The following ECH1 variants were observed in gnomAD, a reference collection of about 807,000 sequenced individuals.
The protein encoded by ECH1 is enoyl-CoA hydratase 1, also known as delta(3,5)-Delta(2,4)-dienoyl-CoA isomerase, mitochondrial.
In ECH1, 30 loss-of-function variants were observed where a neutral mutation model predicts 37.0. That is an observed-to-expected ratio of 0.81 (90% CI 0.61 to 1.10). The LOEUF (loss-of-function observed/expected upper bound fraction) is 1.10, where lower values mean the gene tolerates loss of function less well. Ranked by LOEUF, ECH1 falls within the 50% of genes least tolerant of loss-of-function variation. The probability of loss-of-function intolerance (pLI) is 0.00; values close to 1 mark genes in which losing one functional copy is unlikely to be tolerated. For missense variants in ECH1, 456 were observed against 441.6 expected (o/e 1.03, Z -0.29); for synonymous variants, 178 against 176.0 (o/e 1.01, Z -0.09).
At position 38,816,966 on chromosome 19, in the gene ECH1, C is replaced by G. The variant is rs981285761; in HGVS notation, c.588+99G>C. ...TGGGCAAGTCTTACTTTGTCGGGTT[C>G]AACTCCGACTCTTCCATGAAGCCCT... On this transcript the variant is annotated intron_variant, in intron 6 of 9. Transcript: ENST00000221418. The G allele has an allele frequency of 4.7e-5, 64 of 1,357,138 alleles. No homozygotes were observed. The African/African-American group carries it at 8.3e-4, about 18-fold the overall frequency. 84.1% of individuals were successfully genotyped at this position (1,357,138 alleles called of 1,614,324 possible).
chr19:38,823,936 C>A (rs1231517489), intron 3 of ECH1, among the ~76,000 whole-genome samples: 4 of 152,144 alleles, frequency 2.6e-5, no homozygotes, highest in Non-Finnish European at 4.4e-5. Context: ...CCCAGGCTCA[C>A]CAATCAGAAA....
chr19:38,831,272 C>A (rs758726202), intron 2 of ECH1, 37 bp downstream of exon 2: 1 of 1,607,004 alleles, frequency 6.2e-7, no homozygotes, highest in South Asian at 1.1e-5. Flanking sequence ...GCCCCGCCTC[C>A]CCCCGCAGGC....
intron 3 of ECH1, among the ~76,000 whole-genome samples, chr19:38,830,448 A>G (rs1010506780): frequency 2.6e-5 from 4 of 152,170 alleles, no homozygotes; most frequent in Non-Finnish European, 5.9e-5. Context: ...GTTCTGTCAG[A>G]CTAATACTTA....
intron 3 of ECH1, among the ~76,000 whole-genome samples, chr19:38,825,527 C>G (rs1205028167): frequency 1.3e-5 from 2 of 152,150 alleles, no homozygotes; most frequent in South Asian, 4.1e-4. Flanking sequence ...CAAAAGCAAG[C>G]CCTGGGCCCT....
chr19:38,816,848 G>T, intron 6 of ECH1: 1 of 646,558 alleles, frequency 1.5e-6, no homozygotes, highest in Non-Finnish European at 2.7e-6. Flanking sequence ...TCACCAGTAT[G>T]GCCCCAGGAG....
chr19:38,823,660 T>C (rs1256336345), intron 3 of ECH1, among the ~76,000 whole-genome samples: 1 of 152,170 alleles, frequency 6.6e-6, no homozygotes, highest in Non-Finnish European at 1.5e-5. Context: ...AGGAAAGCCA[T>C]GCAGCTCTAG....
intron 3 of ECH1, among the ~76,000 whole-genome samples, chr19:38,830,020 G>C (rs1400179954): frequency 6.6e-6 from 1 of 152,136 alleles, no homozygotes; most frequent in African/African-American, 2.4e-5. Flanking sequence ...AGCCGGGCGT[G>C]GTGGCGGGCA....
In ECH1 at chr19:38,831,785, C is replaced by G; in HGVS notation, c.-13G>C. 1.2e-6 allele frequency: 2 copies of G among 1,612,628 alleles called. No homozygotes were observed. The highest frequency in any genetic ancestry group is 1.7e-6 in the Non-Finnish European group (2 of 1,179,608). ...TCCCCGCCGCCATCGCCGCCGCCTT[C>G]GTCTACTGCGTTCGGACGGAGTAAC... On this transcript the variant is annotated 5_prime_UTR_variant, in exon 1 of 10. Transcript: ENST00000221418.
chr19:38,820,948 AC>A (rs1410126358), intron 3 of ECH1, among the ~76,000 whole-genome samples: 1 of 152,210 alleles, frequency 6.6e-6, no homozygotes, highest in Non-Finnish European at 1.5e-5. Context: ...AAATGAATGA[AC>A]AAATGAACAA....
At position 38,830,490 on chromosome 19, in the gene ECH1, A is replaced by T. The variant is rs377558285; in HGVS notation, c.349+588T>A. ...AATGTTTTAAAGTAGGCCTTTTTTTAAAAAAATGATAGGGCTGGCCATGGT... is the reference window on the plus strand; with the variant it reads ...AATGTTTTAAAGTAGGCCTTTTTTTTAAAAAATGATAGGGCTGGCCATGGT... On this transcript the variant is annotated intron_variant, in intron 3 of 9. Coordinates refer to ENST00000221418, the MANE Select transcript of ECH1 (RefSeq NM_001398.3). Among the ~76,000 whole-genome samples the T allele has an allele frequency of 1.3e-4, 20 of 151,838 alleles. No individual in the cohort carries two copies. The East Asian group carries it at 3.5e-3, about 26-fold the overall frequency.
chr19:38,826,746 AGGGTTTAG>A (rs1568360831), intron 3 of ECH1, among the ~76,000 whole-genome samples: 3 of 152,114 alleles, frequency 2.0e-5, no homozygotes, highest in African/African-American at 4.8e-5. Flanking sequence ...TCTTGCCCCA[AGGGTTTAG>A]GGATAGGCCT....
At chr19:38,821,504 C>T (rs4801906) in intron 3 of ECH1, among the ~76,000 whole-genome samples, 18,951 of 152,124 alleles carry the variant, frequency 0.12, 1,264 homozygotes, top group South Asian at 0.29. Flanking sequence ...GAGGGAGAGG[C>T]GCGGGCGGGA....
chr19:38,829,405 G>A (rs1270931957), intron 3 of ECH1, among the ~76,000 whole-genome samples: 1 of 151,902 alleles, frequency 6.6e-6, no homozygotes, highest in East Asian at 1.9e-4. Flanking sequence ...ATGTTGCAAT[G>A]AGCCAAAATT....
chr19:38,823,032 C>G (rs991711137), intron 3 of ECH1: 1 of 152,446 alleles, frequency 6.6e-6, no homozygotes, highest in African/African-American at 2.4e-5. Context: ...CAACTCCGGA[C>G]GGGAGGAACG....
At chr19:38,830,850 G>A (rs1971808433) in intron 3 of ECH1, 1 of 548,128 alleles carries the variant, frequency 1.8e-6, no homozygotes, top group South Asian at 2.1e-5. Flanking sequence ...GCCCACGCCT[G>A]TAGTCCCAGA....
chr19:38,817,433 C>A lies in ECH1; in HGVS notation c.474+18G>T. ...AGGCGCGTATGGAGAAAGATCCCCT[C>A]CAGACCCCTAGAGTCACCCTCTCGA... On this transcript the variant is annotated intron_variant, in intron 4 of 9. Transcript: ENST00000221418. The A allele has an allele frequency of 6.2e-7, 1 of 1,612,594 alleles. No homozygotes were observed. The highest frequency in any genetic ancestry group is 1.1e-5 in the South Asian group (1 of 90,636).
At chr19:38,820,711 C>T (rs1327605218) in intron 3 of ECH1, among the ~76,000 whole-genome samples, 1 of 152,296 alleles carries the variant, frequency 6.6e-6, no homozygotes, top group South Asian at 2.1e-4. Context: ...TTCCTTCTGG[C>T]CTTCGGGGTC....
At chr19:38,829,417 C>T (rs1380390023) in intron 3 of ECH1, among the ~76,000 whole-genome samples, 1 of 151,800 alleles carries the variant, frequency 6.6e-6, no homozygotes, top group Non-Finnish European at 1.5e-5. Context: ...GCCAAAATTG[C>T]ATCACTATAC....
In ECH1 at chr19:38,815,749, A is replaced by T; in HGVS notation, c.883-32T>A. ...CCGAGGGTGTTGAGAGAGAACGAGG[A>T]GAGAGATTAGCAGGGGCCAATCAGG... On this transcript the variant is annotated intron_variant, in intron 9 of 9. Coordinates refer to ENST00000221418, the MANE Select transcript of ECH1 (RefSeq NM_001398.3). 1.9e-6 allele frequency: 3 copies of T among 1,614,006 alleles called. No individual in the cohort carries two copies. In the South Asian group the frequency reaches 3.3e-5, roughly 18 times the overall value.
Sources: gnomAD v4.1 joint callset for allele counts (sites outside exome capture counted in the v4.1 genomes callset) on GRCh38, gnomAD v4.1.1 for gene constraint, MANE v1.5 for transcripts, NCBI Gene and HGNC (gene_info 2026-07-23, HGNC 2026-07-21) for gene names.